Variants in SPATA4 observed in about 807,000 individuals in gnomAD.
SPATA4 encodes spermatogenesis-associated protein 4.
Under a neutral mutation model 31.8 loss-of-function variants are expected in SPATA4, and 35 were observed. The ratio of observed to expected loss-of-function variants is 1.10; its 90% CI spans 0.84 to 1.46. SPATA4 has a LOEUF of 1.46. SPATA4 is among the 40% of genes most tolerant of loss of function. The pLI is 0.00. For synonymous variants in SPATA4, 126 were observed against 132.4 expected (o/e 0.95, Z 0.33); for missense variants, 394 against 363.1 (o/e 1.09, Z -0.69).
intron 4 of SPATA4, among the ~76,000 whole-genome samples, chr4:176,190,249 G>T (rs548830280): frequency 1.3e-5 from 2 of 152,170 alleles, no homozygotes; most frequent in Non-Finnish European, 2.9e-5. Flanking sequence ...AAGACGATAG[G>T]GGGGTGGTCT....
chr4:176,193,448 C>T lies in SPATA4; in HGVS notation c.348+5G>A, dbSNP rs184440805. ...AGTTAAAAGTGTAAATGACTGCTAA[C>T]GTACCTTCTCCAACTGTGCCCAGTT... is the stretch of plus-strand genomic sequence containing the variant. On this transcript the variant is annotated splice_donor_5th_base_variant and intron_variant, in intron 2 of 5. Coordinates refer to ENST00000280191, the MANE Select transcript of SPATA4 (RefSeq NM_144644.4). 52 of 1,609,262 alleles carry T rather than the reference C, an allele frequency of 3.2e-5. No homozygotes were observed. In the African/African-American group the frequency reaches 5.1e-4, roughly 16 times the overall value.
At position 176,195,580 on chromosome 4, in the gene SPATA4, T is replaced by C. The variant is rs1380407582; in HGVS notation, c.-18A>G. The C allele has an allele frequency of 1.2e-6, 2 of 1,611,880 alleles. No individual in the cohort carries two copies. The highest frequency in any genetic ancestry group is 2.7e-5 in the African/African-American group (2 of 74,892). On this transcript the variant is annotated 5_prime_UTR_variant, in exon 1 of 6. Coordinates refer to ENST00000280191, the MANE Select transcript of SPATA4 (RefSeq NM_144644.4). ...GCAGCCATGACGCTTTCTGGGTTGC[T>C]GCGGCAACAGCAGAAGGCGGGGCTG... is the stretch of plus-strand genomic sequence containing the variant.
At chr4:176,188,830 TTCC>T (rs1752485761) in intron 4 of SPATA4, among the ~76,000 whole-genome samples, 1 of 152,226 alleles carries the variant, frequency 6.6e-6, no homozygotes, top group Non-Finnish European at 1.5e-5. Flanking sequence ...TAAAGATCAC[TTCC>T]TCCTCTGCAA....
intron 1 of SPATA4, 111 bp from the exon 2 acceptor site, chr4:176,193,693 G>GAGTGTT: frequency 8.8e-7 from 1 of 1,140,896 alleles, no homozygotes; most frequent in Non-Finnish European, 1.2e-6. Context: ...CTTGTAAAGT[G>GAGTGTT]AGTGTTGTTG....
rs768090196 is a variant in SPATA4, at chr4:176,192,645, CT to C, written c.669del (p.Gly224AlafsTer4). The C allele has an allele frequency of 1.4e-4, 234 of 1,613,866 alleles. No individual in the cohort carries two copies. The highest frequency in any genetic ancestry group is 1.9e-4 in the Non-Finnish European group (226 of 1,179,962). ...AACTTACCTGGATTCAATTTTCTGCCTAATTTTCTTTGCAACATATGTAAAA... is the reference window on the plus strand; with the variant it reads ...AACTTACCTGGATTCAATTTTCTGCCAATTTTCTTTGCAACATATGTAAAA... The part of the protein sequence containing the change: ...LILLHMLQRK[L>X]GRKLNPEWFD... On this transcript the variant is annotated frameshift_variant, in exon 4 of 6. Transcript: ENST00000280191. LOFTEE classifies it high-confidence loss of function.
chr4:176,184,967 A>G (rs1197761688), intron 5 of SPATA4, 75 bp from the exon 6 acceptor site: 3 of 806,776 alleles, frequency 3.7e-6, no homozygotes, highest in African/African-American at 1.7e-5. Flanking sequence ...AACATGTCTA[A>G]TGTATCAAAT....
chr4:176,192,460 C>T (rs1214492274), intron 4 of SPATA4, among the ~76,000 whole-genome samples, 167 bp downstream of exon 4: 1 of 152,198 alleles, frequency 6.6e-6, no homozygotes, highest in Non-Finnish European at 1.5e-5. Context: ...TTATAAACCA[C>T]TCCAATGCTA....
chr4:176,191,868 G>A (rs535619631), intron 4 of SPATA4, among the ~76,000 whole-genome samples: 2 of 152,242 alleles, frequency 1.3e-5, no homozygotes, highest in South Asian at 2.1e-4. Flanking sequence ...AGAAACCAGA[G>A]AGAAAATGGT....
At chr4:176,187,180 G>A (rs1199106491) in intron 5 of SPATA4, among the ~76,000 whole-genome samples, 1 of 152,042 alleles carries the variant, frequency 6.6e-6, no homozygotes, top group Non-Finnish European at 1.5e-5. Flanking sequence ...AGTCACCTTG[G>A]CAACTACTCA....
At chr4:176,188,506 C>A (rs1056524033) in intron 4 of SPATA4, among the ~76,000 whole-genome samples, 1 of 151,974 alleles carries the variant, frequency 6.6e-6, no homozygotes, top group Admixed American at 6.6e-5. Context: ...AAAAGGTAAA[C>A]AAACAGTAAG....
At chr4:176,191,668 C>G (rs1294235105) in intron 4 of SPATA4, among the ~76,000 whole-genome samples, 2 of 152,132 alleles carry the variant, frequency 1.3e-5, no homozygotes, top group Admixed American at 1.3e-4. Context: ...AGATAAAACT[C>G]TTCTCATTAA....
At chr4:176,188,878 G>A (rs972018419) in intron 4 of SPATA4, among the ~76,000 whole-genome samples, 1 of 152,134 alleles carries the variant, frequency 6.6e-6, no homozygotes, top group African/African-American at 2.4e-5. Flanking sequence ...AAGTTGCTAA[G>A]TTAATTCCTA....
At chr4:176,195,273 T>G in intron 1 of SPATA4, 72 bp downstream of exon 1, 1 of 1,508,212 alleles carries the variant, frequency 6.6e-7, no homozygotes, top group Non-Finnish European at 9.2e-7. Context: ...GTAGGCAATC[T>G]GAGGCCTGGC....
At chr4:176,195,270 A>G in intron 1 of SPATA4, 75 bp downstream of exon 1, 1 of 1,483,474 alleles carries the variant, frequency 6.7e-7, no homozygotes. Flanking sequence ...AGGGTAGGCA[A>G]TCTGAGGCCT....
At chr4:176,185,961 T>C (rs1217881122) in intron 5 of SPATA4, among the ~76,000 whole-genome samples, 1 of 152,038 alleles carries the variant, frequency 6.6e-6, no homozygotes, top group Non-Finnish European at 1.5e-5. Context: ...CAGAGAATCA[T>C]AAAAAAGAGC....
chr4:176,187,681 G>A (rs1233878552), intron 5 of SPATA4, among the ~76,000 whole-genome samples: 1 of 152,200 alleles, frequency 6.6e-6, no homozygotes, highest in Non-Finnish European at 1.5e-5. Context: ...TTTGGACCAT[G>A]GGCTACAGTT....
chr4:176,192,775 G>A lies in SPATA4; in HGVS notation c.540C>T (p.Ser180=). The A allele has an allele frequency of 1.2e-6, 2 of 1,614,108 alleles. No individual in the cohort carries two copies. Among genetic ancestry groups the A allele is most frequent in the Non-Finnish European group, 1.7e-6 (2 of 1,179,978 alleles). Residue 180 remains serine, a synonymous_variant, in exon 4 of 6, where the codon TCC becomes TCT. Coordinates refer to ENST00000280191, the MANE Select transcript of SPATA4 (RefSeq NM_144644.4). ...YSYQMRLPLV[S]RSTVSKSIKD... Reference sequence around the variant, plus strand: ...TAATAGACTTCGAAACTGTAGACCTGGAAACCAGGGGTAAACGCATCTGGT... The same window carrying A: ...TAATAGACTTCGAAACTGTAGACCTAGAAACCAGGGGTAAACGCATCTGGT...
intron 4 of SPATA4, among the ~76,000 whole-genome samples, chr4:176,192,316 T>G (rs1426284892): frequency 6.6e-6 from 1 of 152,224 alleles, no homozygotes; most frequent in East Asian, 1.9e-4. Context: ...TGCTTAACTC[T>G]TAAACTCCTT....
At position 176,192,742 on chromosome 4, in the gene SPATA4, G is replaced by A; in HGVS notation, c.573C>T (p.Asn191=). 1 of 1,614,080 alleles carries A rather than the reference G, an allele frequency of 6.2e-7. No homozygotes were observed. The change falls in exon 4 of 6, where the codon AAC becomes AAT. Residue 191 remains asparagine, a synonymous_variant. Transcript: ENST00000280191. ...TGCTTAGTAATTCTGATAACCTAAT[G>A]TTATCTTTAATAGACTTCGAAACTG... The part of the protein sequence containing the change: ...RSTVSKSIKD[N]IRLSELLSNP...
Sources: gnomAD v4.1 joint callset for allele counts (sites outside exome capture counted in the v4.1 genomes callset) on GRCh38, gnomAD v4.1.1 for gene constraint, MANE v1.5 for transcripts, NCBI Gene and HGNC (gene_info 2026-07-23, HGNC 2026-07-21) for gene names.